CALN1: variants seen among roughly 807,000 people sequenced by gnomAD.
The protein encoded by CALN1 is calcium-binding protein 8.
In CALN1, 17 loss-of-function variants were observed where a neutral mutation model predicts 30.6. That is an observed-to-expected ratio of 0.56 (90% confidence interval 0.38 to 0.83). CALN1 has a LOEUF of 0.83. CALN1 is among the 40% of genes least tolerant of loss of function. CALN1 has a pLI of 0.00. For synonymous variants in CALN1, 156 were observed against 131.4 expected (o/e 1.19, Z -1.28); for missense variants, 291 against 354.9 (o/e 0.82, Z 1.45).
At chr7:72,216,780 C>A (rs762839822) in intron 3 of CALN1, among the ~76,000 whole-genome samples, 11 of 152,204 alleles carry the variant, frequency 7.2e-5, no homozygotes, top group Non-Finnish European at 1.6e-4. Context: ...GAGACAGGGT[C>A]TTGCTCTGTC....
chr7:71,898,835 T>A (rs1056109437), intron 5 of CALN1, among the ~76,000 whole-genome samples: 17 of 152,082 alleles, frequency 1.1e-4, no homozygotes, highest in African/African-American at 4.1e-4. Context: ...TCAACAACAA[T>A]GGATACAAGA....
intron 3 of CALN1, among the ~76,000 whole-genome samples, chr7:72,201,497 A>G (rs1791412181): frequency 6.6e-6 from 1 of 151,962 alleles, no homozygotes; most frequent in African/African-American, 2.4e-5. Flanking sequence ...AGGCTGAGGC[A>G]GGAGGATCGC....
intron 5 of CALN1, among the ~76,000 whole-genome samples, chr7:71,895,263 C>T (rs1793473374): frequency 6.6e-6 from 1 of 152,090 alleles, no homozygotes; most frequent in South Asian, 2.1e-4. Flanking sequence ...CCTTGAATTT[C>T]ATTTTCAATT....
intron 5 of CALN1, among the ~76,000 whole-genome samples, chr7:71,930,257 T>C (rs570866934): frequency 5.9e-5 from 9 of 152,368 alleles, no homozygotes; most frequent in African/African-American, 2.2e-4. Context: ...TCTTTTTCAA[T>C]ATAGCCATCC....
At chr7:71,867,697 T>C (rs1282307586) in intron 5 of CALN1, among the ~76,000 whole-genome samples, 2 of 152,182 alleles carry the variant, frequency 1.3e-5, no homozygotes, top group East Asian at 3.9e-4. Context: ...CCTCCCAAAG[T>C]GCTGGGATCA....
chr7:72,074,149 T>C (rs764402914), intron 4 of CALN1, among the ~76,000 whole-genome samples: 8 of 152,214 alleles, frequency 5.3e-5, no homozygotes, highest in Non-Finnish European at 1.0e-4. Flanking sequence ...TTAGTCTTTC[T>C]AGATCAGACA....
At chr7:72,501,948 T>TATATATATATATATATACAC in the CALN1 span, among the ~76,000 whole-genome samples, 46 of 72,346 alleles carry the variant, frequency 6.4e-4, 4 homozygotes, top group African/African-American at 2.5e-3. Context: ...TATATATATA[T>TATATATATATATATATACAC]ACACACATAT....
intron 4 of CALN1, among the ~76,000 whole-genome samples, chr7:72,067,203 T>C (rs1476079314): frequency 6.6e-6 from 1 of 152,174 alleles, no homozygotes; most frequent in Non-Finnish European, 1.5e-5. Flanking sequence ...GAGGCAGAAA[T>C]TTAGGTAGAG....
intron 5 of CALN1, among the ~76,000 whole-genome samples, chr7:71,822,517 G>A (rs1788655354): frequency 6.6e-6 from 1 of 152,198 alleles, no homozygotes. Context: ...CAAAGTGCTG[G>A]GATTGCAGGC....
At chr7:71,798,079 C>CAG (rs1562787716) in intron 6 of CALN1, among the ~76,000 whole-genome samples, 1 of 93,758 alleles carries the variant, frequency 1.1e-5, no homozygotes, top group Non-Finnish European at 2.1e-5. Flanking sequence ...GAGAGAGAGA[C>CAG]AGAGAGAGAC....
Position 72,360,997 on chromosome 7 carries a change from G to C in CALN1, c.119+42254C>G, listed in dbSNP as rs1256466781. ...CTGCCTTGGGCTCCAAAAGTGCTGG[G>C]ATTACAGGCATGAGCCACCGCACAC... On this transcript the variant is annotated intron_variant, in intron 2 of 6. Coordinates refer to ENST00000395275, the MANE Select transcript of CALN1 (RefSeq NM_031468.4). Among the ~76,000 whole-genome samples, 4 of 152,000 alleles carry C rather than the reference G, an allele frequency of 2.6e-5. No individual in the cohort carries two copies. The East Asian group carries it at 7.8e-4, about 30-fold the overall frequency.
intron 1 of CALN1, among the ~76,000 whole-genome samples, chr7:72,439,577 T>C (rs1372058091): frequency 7.8e-6 from 1 of 128,938 alleles, no homozygotes; most frequent in Non-Finnish European, 1.6e-5. Flanking sequence ...TCCTTGTCGT[T>C]TATTCTTTTT....
At chr7:72,011,499 A>T (rs1403413973) in intron 5 of CALN1, among the ~76,000 whole-genome samples, 1 of 152,176 alleles carries the variant, frequency 6.6e-6, no homozygotes, top group Non-Finnish European at 1.5e-5. Context: ...CCCTCTCCTG[A>T]ACCTGCCTTT....
intron 2 of CALN1, among the ~76,000 whole-genome samples, chr7:72,319,406 T>G (rs1344420068): frequency 6.6e-6 from 1 of 152,174 alleles, no homozygotes; most frequent in Non-Finnish European, 1.5e-5. Context: ...CCAAGAGACC[T>G]CATGAGACTT....
At chr7:71,858,963 G>C (rs114275667) in intron 5 of CALN1, among the ~76,000 whole-genome samples, 1,585 of 152,294 alleles carry the variant, frequency 0.01, 19 homozygotes, top group African/African-American at 0.033. Context: ...ACCTGTCTCG[G>C]ATATTTTGAG....
chr7:71,787,406 GTTC>G lies in CALN1; in HGVS notation c.*366_*368del. On this transcript the variant is annotated 3_prime_UTR_variant, in exon 7 of 7. Transcript: ENST00000395275. Reference sequence around the variant, plus strand: ...GAATGGGGAGTGGAGGTGACTGTGTGTTCATGCCTCTCTCTTGCTCTCTCACCA... The same window carrying G: ...GAATGGGGAGTGGAGGTGACTGTGTGATGCCTCTCTCTTGCTCTCTCACCA... 7.3e-5 allele frequency: 15 copies of G among 205,258 alleles called. No individual in the cohort carries two copies. The highest frequency in any genetic ancestry group is 3.6e-4 in the South Asian group (4 of 10,980). 12.7% of individuals were successfully genotyped at this position (205,258 alleles called of 1,614,324 possible).
the CALN1 span, among the ~76,000 whole-genome samples, chr7:72,487,708 A>AAAG: frequency 0.034 from 3,008 of 88,202 alleles, 212 homozygotes; most frequent in African/African-American, 0.063. Context: ...GAAAGAAAAG[A>AAAG]AAAGAAAAGA....
intron 1 of CALN1, among the ~76,000 whole-genome samples, chr7:72,418,223 T>C (rs1211809858): frequency 1.3e-5 from 2 of 151,944 alleles, no homozygotes; most frequent in African/African-American, 4.8e-5. Context: ...CAGTATTTGG[T>C]TTTCTGTTCC....
intron 2 of CALN1, among the ~76,000 whole-genome samples, chr7:72,370,269 C>T (rs1804149118): frequency 1.3e-5 from 2 of 152,190 alleles, no homozygotes; most frequent in South Asian, 2.1e-4. Context: ...ATCTTTTTTG[C>T]TGTATATATT....
Sources: gnomAD v4.1 joint callset for allele counts (sites outside exome capture counted in the v4.1 genomes callset) on GRCh38, gnomAD v4.1.1 for gene constraint, MANE v1.5 for transcripts, NCBI Gene and HGNC (gene_info 2026-07-23, HGNC 2026-07-21) for gene names.